The following SI variants were observed in gnomAD, a reference collection of about 807,000 sequenced individuals.
SI encodes sucrase-isomaltase, also known as sucrase-isomaltase, intestinal.
Under a neutral mutation model 253.3 loss-of-function variants are expected in SI, and 235 were observed. The ratio of observed to expected loss-of-function variants is 0.93; its 90% CI spans 0.83 to 1.03. The LOEUF is 1.03. Ranked by LOEUF, SI falls within the 50% of genes least tolerant of loss-of-function variation. The pLI is 0.00. For missense variants in SI, 2,442 were observed against 2,211.1 expected (o/e 1.10, Z -2.09); for synonymous variants, 819 against 712.0 (o/e 1.15, Z -2.39).
At chr3:165,084,381 C>G in the SI span, among the ~76,000 whole-genome samples, 1 of 152,006 alleles carries the variant, frequency 6.6e-6, no homozygotes. Flanking sequence ...TGGTTGATTT[C>G]AAACATAAGT....
chr3:165,088,839 T>C, the SI span, among the ~76,000 whole-genome samples: 1 of 152,010 alleles, frequency 6.6e-6, no homozygotes, highest in African/African-American at 2.4e-5. Flanking sequence ...AATGGACAAA[T>C]ATTCCTGTAC....
At chr3:165,036,985 T>A (rs1658970108) in intron 21 of SI, among the ~76,000 whole-genome samples, 1 of 151,776 alleles carries the variant, frequency 6.6e-6, no homozygotes, top group Admixed American at 6.6e-5. Context: ...TTTTTTTAGT[T>A]ACATTTTACC....
At chr3:165,068,359 C>A (rs556009531) in intron 5 of SI, among the ~76,000 whole-genome samples, 1 of 152,076 alleles carries the variant, frequency 6.6e-6, no homozygotes, top group Non-Finnish European at 1.5e-5. Context: ...GAGAGAAGTG[C>A]AGTTTAATTA....
Position 165,065,464 on chromosome 3 carries a change from AATATATATATATATATATAT to A in SI, c.636-52_636-33del. ...CATAAAAGAAATAAAGAAATAATCT[AATATATATATATATATATAT>A]ATATATATATGATATTCTACCAGAT... On this transcript the variant is annotated intron_variant, in intron 6 of 47. Transcript: ENST00000264382. 1.0e-4 allele frequency: 21 copies of A among 209,726 alleles called. 4 individuals are homozygous for A. In the South Asian group the frequency reaches 1.6e-3, roughly 16 times the overall value. The allele number at this position is 209,726 out of a possible 1,614,324, so 13.0% of individuals were successfully genotyped here. A position where few individuals can be genotyped will look rare whatever the true frequency, so the allele number is the denominator to read the frequency against.
intron 47 of SI, among the ~76,000 whole-genome samples, chr3:164,981,903 T>G (rs535471308): frequency 2.6e-5 from 4 of 152,284 alleles, no homozygotes; most frequent in South Asian, 4.1e-4. Flanking sequence ...AAATACATTT[T>G]CAAGACATAG....
intron 9 of SI, 36 bp from the exon 10 acceptor site, chr3:165,060,063 A>C: frequency 1.3e-6 from 2 of 1,582,502 alleles, no homozygotes; most frequent in Non-Finnish European, 1.7e-6. Context: ...GTTTGAATAG[A>C]AATAAATATA....
chr3:165,000,234 A>C (rs930010170), intron 37 of SI, among the ~76,000 whole-genome samples: 2 of 151,190 alleles, frequency 1.3e-5, no homozygotes, highest in Non-Finnish European at 3.0e-5. Flanking sequence ...TTTTTTCTCT[A>C]TTATATATCT....
intron 6 of SI, 47 bp downstream of exon 6, chr3:165,067,293 C>G (rs1231464260): frequency 7.4e-7 from 1 of 1,344,978 alleles, no homozygotes; most frequent in Non-Finnish European, 1.0e-6. Context: ...CTTTCCAATT[C>G]TATAATAATA....
Position 165,018,076 on chromosome 3 carries a change from G to GA in SI, c.3424-11dup. The GA allele has an allele frequency of 6.9e-7, 1 of 1,442,744 alleles. No homozygotes were observed. Among genetic ancestry groups the GA allele is most frequent in the Non-Finnish European group, 9.8e-7 (1 of 1,024,234 alleles). The allele number at this position is 1,442,744 out of a possible 1,614,324, so 89.4% of individuals were successfully genotyped here. A position where few individuals can be genotyped will look rare whatever the true frequency, so the allele number is the denominator to read the frequency against. On this transcript the variant is annotated splice_polypyrimidine_tract_variant and intron_variant, in intron 28 of 47. Coordinates refer to ENST00000264382, the MANE Select transcript of SI (RefSeq NM_001041.4). ...AGGAATTAAGTTTGTACTGAAATAC[G>GA]AAAAATAAGCACAATATATTTTAAG...
chr3:165,048,699 C>A (rs546769891), intron 15 of SI, among the ~76,000 whole-genome samples: 5 of 151,556 alleles, frequency 3.3e-5, no homozygotes, highest in South Asian at 2.1e-4. Flanking sequence ...CTCACTGCAA[C>A]CTCTGCCTCC....
intron 25 of SI, among the ~76,000 whole-genome samples, chr3:165,029,319 T>C (rs953302481): frequency 6.6e-6 from 1 of 150,898 alleles, no homozygotes; most frequent in Non-Finnish European, 1.5e-5. Flanking sequence ...GGGACACTTC[T>C]ACACTGATAG....
the SI span, among the ~76,000 whole-genome samples, chr3:165,087,561 G>T: frequency 6.6e-6 from 1 of 152,000 alleles, no homozygotes; most frequent in Admixed American, 6.6e-5. Flanking sequence ...TTCAATTAGG[G>T]TACTCATAGC....
chr3:165,039,218 C>T, intron 19 of SI, 84 bp from the exon 20 acceptor site: 5 of 919,364 alleles, frequency 5.4e-6, no homozygotes, highest in Non-Finnish European at 8.6e-6. Flanking sequence ...TTTTCATAGT[C>T]AAGGGAAAAA....
chr3:164,992,100 C>T, intron 43 of SI, 77 bp downstream of exon 43: 2 of 1,164,224 alleles, frequency 1.7e-6, no homozygotes, highest in Non-Finnish European at 2.6e-6. Context: ...ATCCAACATA[C>T]CGTTAATGAA....
At chr3:165,059,691 C>T (rs1431780366) in intron 10 of SI, among the ~76,000 whole-genome samples, 2 of 151,804 alleles carry the variant, frequency 1.3e-5, no homozygotes, top group African/African-American at 4.8e-5. Context: ...TCTAGTATAA[C>T]TAACAATTGA....
intron 1 of SI, 37 bp from the exon 2 acceptor site, chr3:165,076,049 A>T: frequency 7.6e-7 from 1 of 1,312,676 alleles, no homozygotes; most frequent in South Asian, 1.4e-5. Flanking sequence ...AAAATGTAAA[A>T]TATATAACTA....
chr3:165,009,828 T>A (rs1258381144), intron 34 of SI, among the ~76,000 whole-genome samples: 1 of 152,120 alleles, frequency 6.6e-6, no homozygotes. Context: ...CCTCATCAAC[T>A]GCTTCTTTTT....
At chr3:165,060,728 G>GT (rs71156879) in intron 9 of SI, among the ~76,000 whole-genome samples, 9,625 of 143,146 alleles carry the variant, frequency 0.067, 389 homozygotes, top group Non-Finnish European at 0.098. Context: ...TGTAACTGGT[G>GT]TTTTTTTTTT....
At position 165,009,437 on chromosome 3, in the gene SI, G is replaced by C. The variant is rs765873860; in HGVS notation, c.4063-42C>G. ...TAGGCTCACATGTGGAAAGTCTTAAGAGAGATTATATACATATAAATCTGA... is the reference window on the plus strand; with the variant it reads ...TAGGCTCACATGTGGAAAGTCTTAACAGAGATTATATACATATAAATCTGA... On this transcript the variant is annotated intron_variant, in intron 34 of 47. Transcript: ENST00000264382. 4 of 1,045,228 alleles carry C rather than the reference G, an allele frequency of 3.8e-6. No homozygotes were observed. The East Asian group carries it at 9.5e-5, about 25-fold the overall frequency. 64.7% of individuals were successfully genotyped at this position (1,045,228 alleles called of 1,614,324 possible).
Sources: allele counts gnomAD v4.1 joint callset (sites outside exome capture counted in the v4.1 genomes callset), GRCh38; gene constraint gnomAD v4.1.1; transcripts MANE v1.5; gene names NCBI Gene and HGNC (gene_info 2026-07-23, HGNC 2026-07-21).